DDX52: variants seen among roughly 807,000 people sequenced by gnomAD.
The protein encoded by DDX52 is probable ATP-dependent RNA helicase DDX52.
In DDX52, 59 loss-of-function variants were observed where a neutral mutation model predicts 76.1. That is an observed-to-expected ratio of 0.78 (90% CI 0.63 to 0.96). The LOEUF is 0.96. Among genes scored for constraint, DDX52 ranks in the 40% least tolerant of loss-of-function variants. The pLI, the probability that DDX52 is intolerant of heterozygous loss-of-function variation, is 0.00. For synonymous variants in DDX52, 231 were observed against 244.1 expected (o/e 0.95, Z 0.50); for missense variants, 707 against 703.9 (o/e 1.00, Z -0.05).
intron 2 of DDX52, among the ~76,000 whole-genome samples, chr17:37,639,240 T>C (rs899491161): frequency 6.6e-6 from 1 of 152,084 alleles, no homozygotes; most frequent in Non-Finnish European, 1.5e-5. Context: ...GAACGTAATA[T>C]GATAAGGGAA....
chr17:37,623,567 G>C (rs2030210563), intron 9 of DDX52, among the ~76,000 whole-genome samples: 1 of 152,078 alleles, frequency 6.6e-6, no homozygotes, highest in Admixed American at 6.5e-5. Context: ...TCAAACACAT[G>C]GTGTTCACTT....
intron 8 of DDX52, 80 bp from the exon 9 acceptor site, chr17:37,624,514 TACAC>T: frequency 9.9e-7 from 1 of 1,011,132 alleles, no homozygotes; most frequent in African/African-American, 1.6e-5. Context: ...TGAAAAAATT[TACAC>T]ACAACTCCAA....
intron 5 of DDX52, among the ~76,000 whole-genome samples, chr17:37,629,312 G>A (rs181852267): frequency 1.3e-5 from 2 of 151,496 alleles, no homozygotes; most frequent in South Asian, 2.1e-4. Context: ...TACTTGATAT[G>A]TGTTTCATAT....
In DDX52 at chr17:37,642,174, T is replaced by C. The variant is rs2031232934; in HGVS notation, c.222A>G (p.Lys74=). The change falls in exon 2 of 15, where the codon AAA becomes AAG. Residue 74 remains lysine (K), a synonymous_variant. Coordinates refer to ENST00000617633, the MANE Select transcript of DDX52 (RefSeq NM_007010.5). The part of the protein sequence containing the change: ...THQKPQNGEK[K]EESLTERKRE... Reference sequence around the variant, plus strand: ...TCTTCCTTTCAGTTAGGCTCTCTTCTTTTTTCTCTCCATTTTGGGGCTTCT... The same window carrying C: ...TCTTCCTTTCAGTTAGGCTCTCTTCCTTTTTCTCTCCATTTTGGGGCTTCT... 3 of 1,614,058 alleles carry C rather than the reference T, an allele frequency of 1.9e-6. No homozygotes were observed. The highest frequency in any genetic ancestry group is 1.3e-5 in the African/African-American group (1 of 74,936).
intron 9 of DDX52, among the ~76,000 whole-genome samples, chr17:37,622,394 A>G (rs1449021034): frequency 1.3e-5 from 2 of 151,890 alleles, no homozygotes; most frequent in Non-Finnish European, 2.9e-5. Context: ...CCCAGGTTCA[A>G]GCGATTCTCC....
At chr17:37,618,191 G>A (rs978287321) in intron 14 of DDX52, 101 bp downstream of exon 14, 7 of 801,330 alleles carry the variant, frequency 8.7e-6, no homozygotes, top group Admixed American at 6.0e-5. Flanking sequence ...ATAACAGACT[G>A]TAGTATCAAT....
chr17:37,640,474 T>C (rs2031135375), intron 2 of DDX52, among the ~76,000 whole-genome samples: 1 of 151,736 alleles, frequency 6.6e-6, no homozygotes, highest in Non-Finnish European at 1.5e-5. Context: ...GAGTCAGGCA[T>C]AAATACATAG....
At chr17:37,625,293 T>C (rs1311411722) in intron 8 of DDX52, among the ~76,000 whole-genome samples, 6 of 152,102 alleles carry the variant, frequency 3.9e-5, no homozygotes. Context: ...GTACCCAACC[T>C]TGCTTTCTTC....
At chr17:37,634,764 T>C (rs953007551) in intron 2 of DDX52, among the ~76,000 whole-genome samples, 2 of 152,120 alleles carry the variant, frequency 1.3e-5, no homozygotes, top group African/African-American at 4.8e-5. Context: ...GGTGACTAGA[T>C]CAGCTGACTT....
At chr17:37,623,037 T>A (rs965800072) in intron 9 of DDX52, among the ~76,000 whole-genome samples, 5 of 152,168 alleles carry the variant, frequency 3.3e-5, no homozygotes, top group Admixed American at 2.6e-4. Flanking sequence ...CCTGAGTCCA[T>A]GGTCTTAACC....
At chr17:37,636,711 A>G (rs2030945267) in intron 2 of DDX52, among the ~76,000 whole-genome samples, 1 of 152,230 alleles carries the variant, frequency 6.6e-6, no homozygotes, top group South Asian at 2.1e-4. Context: ...TTATGGGGAC[A>G]AAGAAATCAC....
chr17:37,641,377 G>A (rs1032862041), intron 2 of DDX52, among the ~76,000 whole-genome samples: 9 of 151,516 alleles, frequency 5.9e-5, no homozygotes, highest in African/African-American at 9.7e-5. Context: ...ACCACAGACT[G>A]GGCAACAAAG....
At chr17:37,628,428 C>T (rs2030499846) in intron 6 of DDX52, 133 bp downstream of exon 6, 1 of 698,432 alleles carries the variant, frequency 1.4e-6, no homozygotes, top group Non-Finnish European at 2.4e-6. Flanking sequence ...AAGGGGATCG[C>T]TTTAGTTCTT....
In DDX52 at chr17:37,625,905, T is replaced by G; in HGVS notation, c.1126A>C (p.Ile376Leu). ...GAAACAATTAAATACCTTGCTCCAA[T>G]GGACACACTGATGACATTGTCCAGG... is the stretch of plus-strand genomic sequence containing the variant. The part of the protein sequence containing the change: ...LNLDNVISVS[I>L]GARNSAVETV... The change falls in exon 8 of 15, where the codon ATT (isoleucine) becomes CTT (leucine). Residue 376 changes from isoleucine to leucine, a missense_variant. Coordinates refer to ENST00000617633, the MANE Select transcript of DDX52 (RefSeq NM_007010.5). 1 of 1,614,026 alleles carries G rather than the reference T, an allele frequency of 6.2e-7. No individual in the cohort carries two copies. The highest frequency in any genetic ancestry group is 8.5e-7 in the Non-Finnish European group (1 of 1,179,936).
intron 6 of DDX52, 151 bp downstream of exon 6, chr17:37,628,410 A>T: frequency 1.6e-6 from 1 of 624,178 alleles, no homozygotes; most frequent in Non-Finnish European, 2.8e-6. Flanking sequence ...ACTTCTCAGT[A>T]GAGTGAGAAG....
rs1224918822 is a variant in DDX52, at chr17:37,643,384, C to G, written c.37G>C (p.Gly13Arg). The G allele has an allele frequency of 6.2e-7, 1 of 1,614,038 alleles. No individual in the cohort carries two copies. The highest frequency in any genetic ancestry group is 1.1e-5 in the South Asian group (1 of 91,080). The change falls in exon 1 of 15, where the codon GGG becomes CGG. Residue 13 changes from glycine (G) to arginine (R), a missense_variant. Gly to Arg is a moderately radical substitution (Grantham distance 125). Coordinates refer to ENST00000617633, the MANE Select transcript of DDX52 (RefSeq NM_007010.5). Reference protein sequence around the residue: ...VHDLFRRLGAGAKFDTRRFSA... With the variant: ...VHDLFRRLGARAKFDTRRFSA... ...AAGCGTCTCGTGTCGAATTTGGCCC[C>G]CGCGCCGAGCCGGCGAAAGAGATCG...
intron 2 of DDX52, 129 bp downstream of exon 2, chr17:37,641,981 C>T (rs2031222025): frequency 8.9e-7 from 1 of 1,125,912 alleles, no homozygotes; most frequent in Non-Finnish European, 1.3e-6. Context: ...ATGACAAATA[C>T]CTGGAAACAA....
rs1199551003 is a variant in DDX52, at chr17:37,611,947, CCT to C, written c.*2347_*2348del. ...CTAAACTCCAAATTAGGTAACAGAC[CCT>C]GTTTCTCAAAAAAAAAAAAAAAAAC... On this transcript the variant is annotated 3_prime_UTR_variant, in exon 15 of 15. Coordinates refer to ENST00000617633, the MANE Select transcript of DDX52 (RefSeq NM_007010.5). 7.1e-6 allele frequency: 1 copy of C among 141,534 alleles called. No individual in the cohort carries two copies. 8.8% of individuals were successfully genotyped at this position (141,534 alleles called of 1,614,324 possible).
At position 37,610,950 on chromosome 17, in the gene DDX52, C is replaced by CT. The variant is rs2064335793; in HGVS notation, c.*3345dup. Reference sequence around the variant, plus strand: ...GCTAAATTTAGTATTAATACACTGACTAAGTTGATACAGGTTACTGTAGAT... The same window carrying CT: ...GCTAAATTTAGTATTAATACACTGACTTAAGTTGATACAGGTTACTGTAGAT... On this transcript the variant is annotated 3_prime_UTR_variant, in exon 15 of 15. Coordinates refer to ENST00000617633, the MANE Select transcript of DDX52 (RefSeq NM_007010.5). 6.6e-6 allele frequency: 1 copy of CT among 152,248 alleles called. No individual in the cohort carries two copies. The highest frequency in any genetic ancestry group is 1.9e-4 in the East Asian group (1 of 5,208). The allele number at this position is 152,248 out of a possible 1,614,324, so 9.4% of individuals were successfully genotyped here.
Sources: allele counts gnomAD v4.1 joint callset (sites outside exome capture counted in the v4.1 genomes callset), GRCh38; gene constraint gnomAD v4.1.1; transcripts MANE v1.5; gene names NCBI Gene and HGNC (gene_info 2026-07-23, HGNC 2026-07-21).